PKD1L1: variants seen among roughly 807,000 people sequenced by gnomAD.
PKD1L1 encodes the protein polycystin 1 like 1, transient receptor potential channel interacting, also known as polycystin-1-like protein 1.
In PKD1L1, 236 loss-of-function variants were observed where a neutral mutation model predicts 323.4. The ratio of observed to expected loss-of-function variants is 0.73; its 90% CI spans 0.66 to 0.81. The LOEUF (loss-of-function observed/expected upper bound fraction) is 0.81. Ranked by LOEUF, PKD1L1 falls within the 40% of genes least tolerant of loss-of-function variation. PKD1L1 has a pLI of 0.00. For synonymous variants in PKD1L1, 1,344 were observed against 1,335.0 expected, an observed-to-expected ratio of 1.01 and a Z score of -0.15; for missense variants, 3,320 against 3,508.0, an observed-to-expected ratio of 0.95 and a Z score of 1.35.
intron 8 of PKD1L1, among the ~76,000 whole-genome samples, chr7:47,910,118 A>G (rs1469076077): frequency 6.6e-6 from 1 of 152,190 alleles, no homozygotes; most frequent in Non-Finnish European, 1.5e-5. Flanking sequence ...TTTAATGACA[A>G]GTAGAAAGTG....
chr7:47,884,277 A>G (rs1169116496), intron 19 of PKD1L1, among the ~76,000 whole-genome samples: 1 of 152,186 alleles, frequency 6.6e-6, no homozygotes, highest in African/African-American at 2.4e-5. Context: ...CTCGCTGAGC[A>G]GATAACTTAG....
intron 28 of PKD1L1, among the ~76,000 whole-genome samples, chr7:47,855,482 T>A (rs1328918799): frequency 6.6e-6 from 1 of 152,222 alleles, no homozygotes; most frequent in Admixed American, 6.5e-5. Flanking sequence ...CTTATTAAAA[T>A]TAATAATTTC....
In PKD1L1 at chr7:47,902,591, A is replaced by T. The variant is rs1787117107; in HGVS notation, c.1932-80T>A. On this transcript the variant is annotated intron_variant, in intron 12 of 56. Coordinates refer to ENST00000289672, the MANE Select transcript of PKD1L1 (RefSeq NM_138295.5). ...TTTCATTCACTCTTCATACCCACTC[A>T]TATCTGCAGAATTATAGTATTTGAC... The T allele has an allele frequency of 2.0e-6, 3 of 1,476,448 alleles. No homozygotes were observed. The African/African-American group carries it at 4.2e-5, about 21-fold the overall frequency. The allele number at this position is 1,476,448 out of a possible 1,614,324, so 91.5% of individuals were successfully genotyped here.
intron 56 of PKD1L1, among the ~76,000 whole-genome samples, chr7:47,776,355 A>G (rs1031261799): frequency 6.6e-6 from 1 of 152,222 alleles, no homozygotes. Context: ...ATATGAGATA[A>G]AGACATTACA....
chr7:47,914,011 GA>G (rs747522823), intron 8 of PKD1L1, among the ~76,000 whole-genome samples: 3 of 152,140 alleles, frequency 2.0e-5, no homozygotes, highest in Admixed American at 6.5e-5. Flanking sequence ...GCATATATGA[GA>G]AAAAAATGAG....
In PKD1L1 at chr7:47,821,151, AGC is replaced by A; in HGVS notation, c.6888_6889del (p.Leu2297PhefsTer12). ...AAATCTCCCATATATTACACACAAA[AGC>A]AGAAGCAGCATGAGGATGTCCATGG... On this transcript the variant is annotated frameshift_variant, in exon 46 of 57. Coordinates refer to ENST00000289672, the MANE Select transcript of PKD1L1 (RefSeq NM_138295.5). LOFTEE classifies it high-confidence loss of function. 1 of 1,609,864 alleles carries A rather than the reference AGC, an allele frequency of 6.2e-7. No individual in the cohort carries two copies. Among genetic ancestry groups the A allele is most frequent in the Admixed American group, 1.7e-5 (1 of 60,024 alleles).
At chr7:47,896,922 T>C (rs1786948870) in intron 14 of PKD1L1, among the ~76,000 whole-genome samples, 2 of 152,220 alleles carry the variant, frequency 1.3e-5, no homozygotes, top group African/African-American at 4.8e-5. Context: ...TCCTTCAGTC[T>C]GTTTCCTACT....
At chr7:47,880,657 G>C (rs1428522832) in intron 21 of PKD1L1, 71 bp downstream of exon 21, 3 of 1,258,432 alleles carry the variant, frequency 2.4e-6, no homozygotes, top group African/African-American at 1.6e-5. Context: ...CATTCCTTAG[G>C]AAGAGTAAAC....
Position 47,830,052 on chromosome 7 carries a change from G to A in PKD1L1, c.6546C>T (p.Thr2182=). Residue 2182 remains threonine (T), a synonymous_variant, in exon 43 of 57, where the codon ACC becomes ACT. Transcript: ENST00000289672. ...SLSVVCCIFI[T]QPLMVCLMAL... is the part of the protein sequence containing the mutation. ...GGGTGTTTCTTACCATAAGTGGCTG[G>A]GTGATGAAAATACAGCAGACCACGG... The A allele has an allele frequency of 6.2e-7, 1 of 1,614,136 alleles. No homozygotes were observed. Among genetic ancestry groups the A allele is most frequent in the South Asian group, 1.1e-5 (1 of 91,064 alleles).
intron 46 of PKD1L1, among the ~76,000 whole-genome samples, chr7:47,820,413 T>A (rs1320507191): frequency 2.6e-5 from 4 of 152,154 alleles, no homozygotes; most frequent in African/African-American, 9.7e-5. Flanking sequence ...TGAGAAATGA[T>A]CAAGAACTTG....
intron 24 of PKD1L1, among the ~76,000 whole-genome samples, chr7:47,869,356 T>A (rs887380457): frequency 3.3e-5 from 5 of 152,186 alleles, no homozygotes. Flanking sequence ...TTCAACTATA[T>A]GCTGTCTACT....
At chr7:47,859,002 A>T in intron 26 of PKD1L1, 117 bp from the exon 27 acceptor site, 1 of 1,321,086 alleles carries the variant, frequency 7.6e-7, no homozygotes, top group Non-Finnish European at 1.0e-6. Flanking sequence ...GAAAAGATGT[A>T]AATAAAGTGC....
intron 45 of PKD1L1, among the ~76,000 whole-genome samples, chr7:47,823,653 TTCTC>T (rs1299444856): frequency 6.6e-6 from 1 of 152,220 alleles, no homozygotes; most frequent in East Asian, 1.9e-4. Context: ...CTCTCTCTCC[TTCTC>T]TCTTTTATAT....
chr7:47,879,938 A>C lies in PKD1L1; in HGVS notation c.3520+790T>G, dbSNP rs1268596376. Among the ~76,000 whole-genome samples, 936 of 115,430 alleles carry C rather than the reference A, an allele frequency of 8.1e-3. 14 individuals carry two copies. Among genetic ancestry groups the C allele is most frequent in the African/African-American group, 0.036 (890 of 24,826 alleles). 75.7% of individuals were successfully genotyped at this position (115,430 alleles called of 152,430 possible). On this transcript the variant is annotated intron_variant, in intron 21 of 56. Transcript: ENST00000289672. ...ACAGAGGGACTCCGTCTCAACAAAA[A>C]AATAAAAAATAAAAAAAAAAATTAA...
chr7:47,838,761 C>T (rs1785506213), intron 36 of PKD1L1, among the ~76,000 whole-genome samples: 1 of 151,444 alleles, frequency 6.6e-6, no homozygotes, highest in African/African-American at 2.4e-5. Context: ...GCCTGTAGTC[C>T]CAGCTACTCG....
chr7:47,890,183 C>G (rs1040366499), intron 16 of PKD1L1, among the ~76,000 whole-genome samples: 5 of 152,214 alleles, frequency 3.3e-5, no homozygotes, highest in Admixed American at 1.3e-4. Context: ...AAACCCCTGG[C>G]TGGGAACTTG....
At chr7:47,939,570 G>T (rs75592838) in intron 3 of PKD1L1, among the ~76,000 whole-genome samples, 1 of 152,158 alleles carries the variant, frequency 6.6e-6, no homozygotes, top group Non-Finnish European at 1.5e-5. Flanking sequence ...CCAGGGCATT[G>T]CCCAGGCCTT....
chr7:47,853,169 C>A lies in PKD1L1; in HGVS notation c.4918G>T (p.Glu1640Ter). The part of the protein sequence containing the change: ...FLVKQIYFWD[E>*]SIVQIYIPAA... ...GGTATATAAATCTGCACAATTGACT[C>A]ATCCCAGAAGTAGATCTGCTTCACA... Residue 1640 changes from glutamate to a stop codon, truncating the protein, a stop_gained, in exon 31 of 57, where the codon GAG (glutamate) becomes TAG (stop). Coordinates refer to ENST00000289672, the MANE Select transcript of PKD1L1 (RefSeq NM_138295.5). LOFTEE classifies it high-confidence loss of function. 6 of 1,613,900 alleles carry A rather than the reference C, an allele frequency of 3.7e-6. No individual in the cohort carries two copies. Among genetic ancestry groups the A allele is most frequent in the Non-Finnish European group, 5.1e-6 (6 of 1,179,806 alleles).
rs114439460 is a variant in PKD1L1, at chr7:47,840,071, C to T, written c.5552+390G>A. 1.2e-4 allele frequency among the ~76,000 whole-genome samples: 18 copies of T among 152,188 alleles called. No homozygotes were observed. Among genetic ancestry groups the T allele is most frequent in the Non-Finnish European group, 2.2e-4 (15 of 68,014 alleles). ...CTCAGTCCTTTCATATTTTCTAAGA[C>T]GCCAGGTGCTTGCATCCTATCTTGT... is the stretch of plus-strand genomic sequence containing the variant. On this transcript the variant is annotated intron_variant, in intron 35 of 56. Coordinates refer to ENST00000289672, the MANE Select transcript of PKD1L1 (RefSeq NM_138295.5). This position sits in a 1 kb window ranked among gnomAD's most constrained non-coding sequence, Gnocchi z 4.1.
Sources: allele counts gnomAD v4.1 joint callset (sites outside exome capture counted in the v4.1 genomes callset), GRCh38; gene constraint gnomAD v4.1.1; non-coding constraint Gnocchi (gnomAD v3.1); transcripts MANE v1.5; gene names NCBI Gene and HGNC (gene_info 2026-07-23, HGNC 2026-07-21).